BRF2: variants seen among roughly 807,000 people sequenced by gnomAD.
BRF2 encodes transcription factor IIIB 50 kDa subunit.
BRF2 carries 17 observed loss-of-function variants against 26.6 expected under a neutral mutation model. That is an observed-to-expected ratio of 0.64 (90% CI 0.44 to 0.96). BRF2 has a LOEUF of 0.96. Ranked by LOEUF, BRF2 falls within the 40% of genes least tolerant of loss-of-function variation. BRF2 has a pLI of 0.00. For missense variants in BRF2, 515 were observed against 537.0 expected, an observed-to-expected ratio of 0.96 and a Z score of 0.40; for synonymous variants, 219 against 226.6, an observed-to-expected ratio of 0.97 and a Z score of 0.30.
intron 3 of BRF2, among the ~76,000 whole-genome samples, chr8:37,845,983 C>A (rs1318267107): frequency 6.6e-6 from 1 of 152,200 alleles, no homozygotes; most frequent in East Asian, 1.9e-4. Context: ...AACTCAGCAG[C>A]CCTGTGCCAA....
At chr8:37,845,610 T>C (rs776537741) in intron 3 of BRF2, 10 of 671,684 alleles carry the variant, frequency 1.5e-5, no homozygotes, top group Non-Finnish European at 1.9e-5. Flanking sequence ...TTCAACGTTA[T>C]TTATCAGAAA....
At chr8:37,847,955 ATTATT>A (rs1363991245) in intron 2 of BRF2, among the ~76,000 whole-genome samples, 5 of 148,432 alleles carry the variant, frequency 3.4e-5, no homozygotes, top group African/African-American at 5.0e-5. Flanking sequence ...TATTATTATT[ATTATT>A]ATTTTTTGAG....
At chr8:37,848,560 T>G in intron 2 of BRF2, 36 bp downstream of exon 2, 1 of 1,607,174 alleles carries the variant, frequency 6.2e-7, no homozygotes, top group Non-Finnish European at 8.5e-7. Flanking sequence ...GATAGTTTTC[T>G]TTAAAGCCAC....
At position 37,847,070 on chromosome 8, in the gene BRF2, C is replaced by G. The variant is rs149182257; in HGVS notation, c.320G>C (p.Arg107Pro). 6.2e-7 allele frequency: 1 copy of G among 1,614,210 alleles called. No individual in the cohort carries two copies. The highest frequency in any genetic ancestry group is 2.2e-5 in the East Asian group (1 of 44,884). Residue 107 changes from arginine (R) to proline (P), a missense_variant, in exon 3 of 4, where the codon CGA becomes CCA. By Grantham distance (103) the Arg-to-Pro change is moderately radical. Coordinates refer to ENST00000220659, the MANE Select transcript of BRF2 (RefSeq NM_018310.4). ...YQQAYRHSGI[R>P]AARLQKKEVL... is the part of the protein sequence containing the mutation. ...CTCCTTCTTTTGCAGCCTGGCCGCT[C>G]GGATGCCAGAGTGCCGATATGCCTG...
rs867100878 is a variant in BRF2, at chr8:37,843,348, G to T, written c.*1142C>A. 2 of 152,136 alleles carry T rather than the reference G, an allele frequency of 1.3e-5. No individual in the cohort carries two copies. The highest frequency in any genetic ancestry group is 2.9e-5 in the Non-Finnish European group (2 of 68,062). The allele number at this position is 152,136 out of a possible 1,614,324, so 9.4% of individuals were successfully genotyped here. ...AGAGGAAGAACCATCCCAATCATTT[G>T]ATCTCCAGCTCCACAGTAGAGAGAA... On this transcript the variant is annotated 3_prime_UTR_variant, in exon 4 of 4. Transcript: ENST00000220659.
intron 2 of BRF2, among the ~76,000 whole-genome samples, chr8:37,848,032 C>T (rs1179233328): frequency 6.6e-6 from 1 of 151,312 alleles, no homozygotes; most frequent in Non-Finnish European, 1.5e-5. Context: ...TCACTGCAAG[C>T]TCCGCCTCCC....
Position 37,843,598 on chromosome 8 carries a change from G to A in BRF2, c.*892C>T, listed in dbSNP as rs1805882525. On this transcript the variant is annotated 3_prime_UTR_variant, in exon 4 of 4. Coordinates refer to ENST00000220659, the MANE Select transcript of BRF2 (RefSeq NM_018310.4). Reference sequence around the variant, plus strand: ...TTGGGAAGAACAACAGGAAACCAAGGTCTGACCTAGGGTTCCCTCCCAGTC... The same window carrying A: ...TTGGGAAGAACAACAGGAAACCAAGATCTGACCTAGGGTTCCCTCCCAGTC... 1.3e-5 allele frequency: 2 copies of A among 152,214 alleles called. No individual in the cohort carries two copies. Among genetic ancestry groups the A allele is most frequent in the Non-Finnish European group, 2.9e-5 (2 of 68,030 alleles). The allele number at this position is 152,214 out of a possible 1,614,324, so 9.4% of individuals were successfully genotyped here. A position where few individuals can be genotyped will look rare whatever the true frequency, so the allele number is the denominator to read the frequency against.
Position 37,845,118 on chromosome 8 carries a change from G to A in BRF2, c.632C>T (p.Ala211Val). The A allele has an allele frequency of 6.2e-7, 1 of 1,613,814 alleles. No individual in the cohort carries two copies. Among genetic ancestry groups the A allele is most frequent in the Non-Finnish European group, 8.5e-7 (1 of 1,179,988 alleles). ...CCCGGTCACCAGCCACGTCTCATTT[G>A]CCAGCTCCACCAACTGCATTGTTCG... ...LSRTMQLVEL[A>V]NETWLVTGRH... The change falls in exon 4 of 4, where the codon GCA becomes GTA. Residue 211 changes from alanine (A) to valine (V), a missense_variant. Ala to Val is a moderately conservative substitution (Grantham distance 64). Coordinates refer to ENST00000220659, the MANE Select transcript of BRF2 (RefSeq NM_018310.4).
chr8:37,844,407 C>A lies in BRF2; in HGVS notation c.*83G>T, dbSNP rs1259836975. On this transcript the variant is annotated 3_prime_UTR_variant, in exon 4 of 4. Coordinates refer to ENST00000220659, the MANE Select transcript of BRF2 (RefSeq NM_018310.4). Reference sequence around the variant, plus strand: ...AAACAAGAAAAGCAATACCTACGGACTGGTGTACACTTCCATCCTTGGTTA... The same window carrying A: ...AAACAAGAAAAGCAATACCTACGGAATGGTGTACACTTCCATCCTTGGTTA... 2.6e-6 allele frequency: 4 copies of A among 1,533,230 alleles called. No individual in the cohort carries two copies. The highest frequency in any genetic ancestry group is 3.5e-6 in the Non-Finnish European group (4 of 1,129,682). The allele number at this position is 1,533,230 out of a possible 1,614,324, so 95.0% of individuals were successfully genotyped here.
At position 37,849,678 on chromosome 8, in the gene BRF2, T is replaced by C; in HGVS notation, c.106A>G (p.Thr36Ala). Residue 36 changes from threonine (T) to alanine (A), a missense_variant, in exon 1 of 4, where the codon ACC becomes GCC. Transcript: ENST00000220659. ...LVCSDCGCVV[T>A]EGVLTTTFSD... ...AAGGTAGTGGTAAGGACCCCCTCGG[T>C]GACCACGCAGCCGCAGTCGGAGCAC... 3.1e-6 allele frequency: 5 copies of C among 1,613,666 alleles called. No homozygotes were observed. The highest frequency in any genetic ancestry group is 4.2e-6 in the Non-Finnish European group (5 of 1,179,936).
At chr8:37,848,695 A>T in intron 1 of BRF2, 40 bp from the exon 2 acceptor site, 1 of 1,533,374 alleles carries the variant, frequency 6.5e-7, no homozygotes, top group East Asian at 2.2e-5. Context: ...CTTAGCCTTT[A>T]TTCATCAGAC....
In BRF2 at chr8:37,849,807, G is replaced by A. The variant is rs760671992; in HGVS notation, c.-24C>T. The A allele has an allele frequency of 4.4e-6, 7 of 1,588,636 alleles. No individual in the cohort carries two copies. Among genetic ancestry groups the A allele is most frequent in the Admixed American group, 1.8e-5 (1 of 56,572 alleles). ...ATCTCACAACCGGCCCCAAAGCCGC[G>A]GAAGCCTTCAGAGACTCCTGGGTCT... is the stretch of plus-strand genomic sequence containing the variant. On this transcript the variant is annotated 5_prime_UTR_variant, in exon 1 of 4. Transcript: ENST00000220659.
At chr8:37,848,728 ACCAG>A in intron 1 of BRF2, 73 bp from the exon 2 acceptor site, 3 of 1,227,328 alleles carry the variant, frequency 2.4e-6, no homozygotes, top group Non-Finnish European at 3.6e-6. Flanking sequence ...ACCACACAAA[ACCAG>A]GACGCAAAAT....
At chr8:37,849,242 G>T (rs774042267) in intron 1 of BRF2, among the ~76,000 whole-genome samples, 48 of 152,204 alleles carry the variant, frequency 3.2e-4, no homozygotes, top group Non-Finnish European at 3.2e-4. Flanking sequence ...CAGATTTTGA[G>T]GGCTGCACTG....
At chr8:37,845,288 C>A (rs74452684) in intron 3 of BRF2, 75 bp from the exon 4 acceptor site, 5 of 1,178,146 alleles carry the variant, frequency 4.2e-6, no homozygotes, top group African/African-American at 1.5e-5. Context: ...AGACAGCCCA[C>A]TCAAGATGGG....
intron 2 of BRF2, among the ~76,000 whole-genome samples, chr8:37,848,042 C>T (rs1268120841): frequency 3.3e-5 from 5 of 151,144 alleles, no homozygotes; most frequent in East Asian, 3.9e-4. Flanking sequence ...CTCCGCCTCC[C>T]GGGTTCACGC....
intron 3 of BRF2, chr8:37,845,658 C>A (rs978085938): frequency 1.4e-6 from 1 of 694,732 alleles, no homozygotes; most frequent in Non-Finnish European, 2.6e-6. Flanking sequence ...GAGAAAAGAG[C>A]CAGGCGCAGT....
At chr8:37,847,928 T>TTTATTA (rs201041026) in intron 2 of BRF2, among the ~76,000 whole-genome samples, 887 of 83,996 alleles carry the variant, frequency 0.011, 5 homozygotes, top group Middle Eastern at 0.04. Context: ...ATAGTTTTCT[T>TTTATTA]TTATTATTAT....
Position 37,848,591 on chromosome 8 carries a change from C to A in BRF2, c.214+5G>T. 6.2e-7 allele frequency: 1 copy of A among 1,613,944 alleles called. No homozygotes were observed. The highest frequency in any genetic ancestry group is 8.5e-7 in the Non-Finnish European group (1 of 1,179,802). On this transcript the variant is annotated splice_donor_5th_base_variant and intron_variant, in intron 2 of 3. Transcript: ENST00000220659. ...GCCACTGTGTTGTAAAAGGTCAATT[C>A]TCACCTCGTTGCTGGCTGCGACTAA...
Sources: gnomAD v4.1 joint callset for allele counts (sites outside exome capture counted in the v4.1 genomes callset) on GRCh38, gnomAD v4.1.1 for gene constraint, MANE v1.5 for transcripts, NCBI Gene and HGNC (gene_info 2026-07-23, HGNC 2026-07-21) for gene names.